Variants in HVCN1 observed in about 807,000 individuals in gnomAD.
The protein encoded by HVCN1 is hydrogen voltage gated channel 1.
HVCN1 carries 14 observed loss-of-function variants against 29.2 expected under a neutral mutation model. That is an observed-to-expected ratio of 0.48 (90% confidence interval 0.32 to 0.75). The LOEUF (loss-of-function observed/expected upper bound fraction) is 0.75. HVCN1 is among the 30% of genes least tolerant of loss of function. The pLI is 0.04. For synonymous variants in HVCN1, 131 were observed against 133.2 expected (o/e 0.98, Z 0.11); for missense variants, 263 against 341.8 (o/e 0.77, Z 1.82).
intron 3 of HVCN1, among the ~76,000 whole-genome samples, chr12:110,682,319 C>A (rs1253228559): frequency 6.6e-6 from 1 of 152,140 alleles, no homozygotes; most frequent in African/African-American, 2.4e-5. Flanking sequence ...CCTGCCTCAG[C>A]CTCCCTAGTA....
chr12:110,660,007 G>A (rs2068115453), intron 4 of HVCN1, among the ~76,000 whole-genome samples: 1 of 151,434 alleles, frequency 6.6e-6, no homozygotes, highest in Middle Eastern at 3.5e-3. Flanking sequence ...AGGTTGCAGT[G>A]AGCTGAAATC....
intron 6 of HVCN1, 39 bp downstream of exon 6, chr12:110,651,178 C>G: frequency 6.7e-7 from 1 of 1,483,008 alleles, no homozygotes; most frequent in Non-Finnish European, 9.4e-7. Context: ...GCCTGGGCCC[C>G]TACTCTCCAT....
At chr12:110,659,212 T>C (rs537068605) in intron 4 of HVCN1, among the ~76,000 whole-genome samples, 6 of 151,090 alleles carry the variant, frequency 4.0e-5, no homozygotes, top group East Asian at 3.9e-4. Flanking sequence ...ATTTTTTTTT[T>C]CTCTTTTACC....
chr12:110,674,294 C>A (rs1459993235), intron 3 of HVCN1, among the ~76,000 whole-genome samples: 1 of 152,014 alleles, frequency 6.6e-6, no homozygotes, highest in Non-Finnish European at 1.5e-5. Flanking sequence ...ATACCTGTAA[C>A]CCCCCTGCAT....
chr12:110,659,314 G>GA (rs1275805221), intron 4 of HVCN1, among the ~76,000 whole-genome samples: 4 of 147,962 alleles, frequency 2.7e-5, no homozygotes, highest in Admixed American at 6.7e-5. Context: ...CAAGAGTGGG[G>GA]AAAAAAAAGA....
upstream of HVCN1, chr12:110,689,251 C>G (rs1353723352): frequency 6.6e-6 from 1 of 152,010 alleles, no homozygotes; most frequent in Non-Finnish European, 1.5e-5. This position sits in a 1 kb window ranked among gnomAD's most constrained non-coding sequence, Gnocchi z 5.7. Flanking sequence ...GCTTCTAGGC[C>G]TCGGCCCGGG....
chr12:110,661,286 C>A lies in HVCN1; in HGVS notation c.184G>T (p.Val62Phe). ...EEEEQPPPTP[V>F]SGEEGRAAAP... ...GCAGCTCTGCCTTCCTCGCCTGAGACTGGTGTGGGTGGTGGCTGCTCCTCC... is the reference window on the plus strand; with the variant it reads ...GCAGCTCTGCCTTCCTCGCCTGAGAATGGTGTGGGTGGTGGCTGCTCCTCC... Residue 62 changes from valine (V) to phenylalanine (F), a missense_variant, in exon 4 of 8, where the codon GTC becomes TTC. Physicochemically the swap from Val to Phe is conservative, Grantham distance 50 (BLOSUM62 -1). Transcript: ENST00000242607. This position sits in a 1 kb window ranked among gnomAD's most constrained non-coding sequence, Gnocchi z 6.2. The A allele has an allele frequency of 6.2e-7, 1 of 1,614,210 alleles. No homozygotes were observed. Among genetic ancestry groups the A allele is most frequent in the South Asian group, 1.1e-5 (1 of 91,090 alleles).
intron 3 of HVCN1, among the ~76,000 whole-genome samples, chr12:110,681,880 C>T (rs1033224650): frequency 1.1e-4 from 16 of 152,168 alleles, no homozygotes; most frequent in African/African-American, 2.7e-4. Flanking sequence ...CCAAATCCAA[C>T]AAACCTGCAC....
At position 110,661,377 on chromosome 12, in the gene HVCN1, C is replaced by T. The variant is rs1190790627; in HGVS notation, c.93G>A (p.Val31=). Residue 31 remains valine (V), a synonymous_variant, in exon 4 of 8, where the codon GTG becomes GTA. Transcript: ENST00000242607. This position sits in a 1 kb window ranked among gnomAD's most constrained non-coding sequence, Gnocchi z 6.2. ...MSKFLRHFTV[V]GDDYHAWNIN... ...TGTTCCAGGCATGGTAGTCGTCTCC[C>T]ACGACCGTGAAGTGCCTTAAGAACT... 1 of 1,614,078 alleles carries T rather than the reference C, an allele frequency of 6.2e-7. No individual in the cohort carries two copies. Among genetic ancestry groups the T allele is most frequent in the Non-Finnish European group, 8.5e-7 (1 of 1,180,042 alleles).
chr12:110,664,836 GA>G (rs1439630074), intron 3 of HVCN1, among the ~76,000 whole-genome samples: 1 of 152,098 alleles, frequency 6.6e-6, no homozygotes. Context: ...ATGAGGCAGG[GA>G]AAAATATAAC....
chr12:110,673,309 AT>A (rs1245596892), intron 3 of HVCN1, among the ~76,000 whole-genome samples: 3 of 152,194 alleles, frequency 2.0e-5, no homozygotes, highest in Non-Finnish European at 2.9e-5. Flanking sequence ...GAGAAAGATG[AT>A]TTAGGGTATC....
upstream of HVCN1, among the ~76,000 whole-genome samples, chr12:110,690,729 T>G (rs1201121765): frequency 6.7e-6 from 1 of 149,376 alleles, no homozygotes; most frequent in Non-Finnish European, 1.5e-5. Context: ...CTGCCTGCCT[T>G]GGCCTCCGAA....
intron 2 of HVCN1, among the ~76,000 whole-genome samples, chr12:110,695,992 G>A (rs1161649829): frequency 2.7e-5 from 4 of 147,356 alleles, no homozygotes; most frequent in South Asian, 2.1e-4. Context: ...CATTCTTGTC[G>A]CCCAGGCTGG....
intron 5 of HVCN1, 80 bp from the exon 6 acceptor site, chr12:110,651,528 C>A: frequency 4.6e-6 from 4 of 876,866 alleles, no homozygotes; most frequent in South Asian, 4.3e-5. Flanking sequence ...CCTGCCTGGT[C>A]ACCAGCAAGA....
rs1209287525 is a variant in HVCN1 at position 110,650,174 on chromosome 12, A to G, written c.750T>C (p.Ser250=). The change falls in exon 7 of 8, where the codon TCT becomes TCC. Residue 250 remains serine (S), a synonymous_variant. Transcript: ENST00000242607. The stretch of plus-strand genomic sequence containing the variant: ...GATGTGTCGTCTTTCTTACCTTCTC[A>G]GAGCAGCTGAACTCAAGGTGTTGAA... ...AKIQHLEFSC[S]EKEQEIERLN... 2 of 1,606,090 alleles carry G rather than the reference A, an allele frequency of 1.2e-6. No individual in the cohort carries two copies. The highest frequency in any genetic ancestry group is 2.2e-5 in the East Asian group (1 of 44,816).
intron 3 of HVCN1, among the ~76,000 whole-genome samples, chr12:110,681,765 C>T (rs1014395431): frequency 2.0e-5 from 3 of 152,302 alleles, no homozygotes; most frequent in East Asian, 1.9e-4. Context: ...GCTCTGCCCT[C>T]GCCAGCTTGG....
At chr12:110,693,885 T>C (rs1312513363), upstream of HVCN1, among the ~76,000 whole-genome samples, 1 of 152,154 alleles carries the variant, frequency 6.6e-6, no homozygotes, top group African/African-American at 2.4e-5. Flanking sequence ...GGCCCCAGAT[T>C]ACAAAAAGAT....
upstream of HVCN1, among the ~76,000 whole-genome samples, chr12:110,692,619 G>C (rs1172117505): frequency 6.6e-6 from 1 of 152,138 alleles, no homozygotes; most frequent in Non-Finnish European, 1.5e-5. Context: ...AGCTACTCAG[G>C]AGGCTGAGGT....
intron 3 of HVCN1, among the ~76,000 whole-genome samples, chr12:110,664,962 A>G (rs1249107421): frequency 6.6e-6 from 1 of 152,190 alleles, no homozygotes; most frequent in Non-Finnish European, 1.5e-5. Flanking sequence ...GACCTCATTG[A>G]ACACCCTAAG....
Sources: gnomAD v4.1 joint callset for allele counts (sites outside exome capture counted in the v4.1 genomes callset) on GRCh38, gnomAD v4.1.1 for gene constraint, Gnocchi (gnomAD v3.1) non-coding constraint, MANE v1.5 for transcripts, NCBI Gene and HGNC (gene_info 2026-07-23, HGNC 2026-07-21) for gene names.